KIAA0825: variants seen among roughly 807,000 people sequenced by gnomAD.
KIAA0825 encodes uncharacterized protein KIAA0825.
A neutral mutation model predicts 147.6 loss-of-function variants in KIAA0825; 119 were observed. The observed-to-expected ratio is 0.81, with a 90% CI of 0.69 to 0.94. The LOEUF (loss-of-function observed/expected upper bound fraction) is 0.94. Ranked by LOEUF, KIAA0825 falls within the 40% of genes least tolerant of loss-of-function variation. The pLI, the probability that KIAA0825 is intolerant of heterozygous loss-of-function variation, is 0.00. For synonymous variants in KIAA0825, 470 were observed against 518.1 expected, an observed-to-expected ratio of 0.91 and a Z score of 1.26; for missense variants, 1,381 against 1,472.7, an observed-to-expected ratio of 0.94 and a Z score of 1.02.
intron 2 of KIAA0825, among the ~76,000 whole-genome samples, chr5:94,550,447 A>G (rs57412880): frequency 2.6e-5 from 4 of 152,152 alleles, no homozygotes; most frequent in African/African-American, 9.7e-5. Flanking sequence ...ATCTTTCTCT[A>G]TGAAAGCTAC....
At chr5:94,427,370 CA>C (rs1258844201) in intron 14 of KIAA0825, among the ~76,000 whole-genome samples, 2 of 151,950 alleles carry the variant, frequency 1.3e-5, no homozygotes, top group African/African-American at 4.8e-5. Context: ...CCCATCTCTA[CA>C]AAAAATTTTC....
At chr5:94,337,310 T>C (rs1781912733) in intron 20 of KIAA0825, among the ~76,000 whole-genome samples, 1 of 152,202 alleles carries the variant, frequency 6.6e-6, no homozygotes, top group South Asian at 2.1e-4. Flanking sequence ...TGATTCTTGC[T>C]TGGAACTTGT....
At chr5:94,378,340 G>C (rs1047274978) in intron 20 of KIAA0825, among the ~76,000 whole-genome samples, 4 of 152,166 alleles carry the variant, frequency 2.6e-5, no homozygotes, top group African/African-American at 4.8e-5. Flanking sequence ...CCACTTACAT[G>C]TGAGAACAAG....
chr5:94,474,968 A>G (rs1761690212), intron 7 of KIAA0825, among the ~76,000 whole-genome samples: 1 of 152,106 alleles, frequency 6.6e-6, no homozygotes, highest in Non-Finnish European at 1.5e-5. Context: ...ACGTGCCTGT[A>G]GTCCCAGCTA....
chr5:94,282,099 C>G (rs185877891), intron 20 of KIAA0825, among the ~76,000 whole-genome samples: 1 of 152,162 alleles, frequency 6.6e-6, no homozygotes, highest in East Asian at 1.9e-4. Context: ...AGACTATAAA[C>G]CCATTGACAG....
intron 3 of KIAA0825, among the ~76,000 whole-genome samples, chr5:94,526,897 AAGGGAGTACACAGG>A (rs1769396226): frequency 1.3e-5 from 2 of 151,982 alleles, no homozygotes; most frequent in South Asian, 4.1e-4. Context: ...ACAATGTGCT[AAGGGAGTACACAGG>A]AGGGAGCCAC....
At chr5:94,586,889 T>G (rs1002738848) in intron 1 of KIAA0825, among the ~76,000 whole-genome samples, 1 of 152,194 alleles carries the variant, frequency 6.6e-6, no homozygotes, top group Non-Finnish European at 1.5e-5. Flanking sequence ...TGGTTCAACA[T>G]ATGCAAATCA....
intron 6 of KIAA0825, among the ~76,000 whole-genome samples, chr5:94,481,341 G>C (rs1347676898): frequency 6.6e-6 from 1 of 152,064 alleles, no homozygotes; most frequent in Admixed American, 6.6e-5. Flanking sequence ...ACTTCCCTGT[G>C]ACATCCACTT....
intron 5 of KIAA0825, among the ~76,000 whole-genome samples, chr5:94,487,776 AT>A (rs751443923): frequency 2.2e-4 from 33 of 152,292 alleles, no homozygotes; most frequent in Non-Finnish European, 3.7e-4. Context: ...TACAAAAAAA[AT>A]ACCAAAACAA....
At chr5:94,381,767 A>C (rs911372809) in intron 20 of KIAA0825, among the ~76,000 whole-genome samples, 2 of 152,192 alleles carry the variant, frequency 1.3e-5, no homozygotes, top group African/African-American at 4.8e-5. Context: ...CTAAAGTCAA[A>C]GTAAGTGCCT....
At chr5:94,164,782 G>A (rs1289336985) in intron 20 of KIAA0825, among the ~76,000 whole-genome samples, 1 of 152,024 alleles carries the variant, frequency 6.6e-6, no homozygotes, top group Non-Finnish European at 1.5e-5. Context: ...TCAATAAATG[G>A]TGCTGGGAAA....
intron 20 of KIAA0825, among the ~76,000 whole-genome samples, chr5:94,277,682 TGCAGAAG>T (rs1166003239): frequency 6.6e-6 from 1 of 152,086 alleles, no homozygotes; most frequent in East Asian, 1.9e-4. Context: ...GTTCAACCAT[TGCAGAAG>T]GTGGAAGACA....
intron 4 of KIAA0825, among the ~76,000 whole-genome samples, chr5:94,521,604 T>C (rs1768219582): frequency 6.6e-6 from 1 of 151,712 alleles, no homozygotes; most frequent in South Asian, 2.1e-4. Context: ...GAGAAAAAGA[T>C]ACCCTCAGAA....
intron 1 of KIAA0825, chr5:94,593,820 G>C: frequency 3.0e-6 from 1 of 335,846 alleles, no homozygotes; most frequent in South Asian, 2.7e-5. Flanking sequence ...TTATTGCTTA[G>C]TTATTTGAAA....
chr5:94,402,257 A>T (rs958847721), intron 16 of KIAA0825, among the ~76,000 whole-genome samples: 1 of 152,184 alleles, frequency 6.6e-6, no homozygotes, highest in African/African-American at 2.4e-5. Flanking sequence ...GTGCTTAGAA[A>T]AAGCAAAATT....
intron 9 of KIAA0825, among the ~76,000 whole-genome samples, chr5:94,471,238 G>T (rs557515854): frequency 7.3e-6 from 1 of 137,906 alleles, no homozygotes; most frequent in Non-Finnish European, 1.6e-5. Flanking sequence ...GTGGGTTTTT[G>T]AGTGTGCCTT....
At chr5:94,207,914 G>C (rs575858119) in intron 20 of KIAA0825, among the ~76,000 whole-genome samples, 1 of 152,202 alleles carries the variant, frequency 6.6e-6, no homozygotes, top group South Asian at 2.1e-4. Flanking sequence ...CTTAAGTTAG[G>C]CATAGTTGAA....
At chr5:94,311,735 C>T (rs917995445) in intron 20 of KIAA0825, among the ~76,000 whole-genome samples, 3 of 151,674 alleles carry the variant, frequency 2.0e-5, no homozygotes, top group African/African-American at 4.8e-5. Flanking sequence ...GCTCTCCTTA[C>T]GAGCCAATCC....
intron 7 of KIAA0825, among the ~76,000 whole-genome samples, chr5:94,474,395 T>C (rs371058101): frequency 1.8e-4 from 28 of 152,322 alleles, no homozygotes; most frequent in African/African-American, 5.8e-4. Context: ...TTGTTTACAG[T>C]AACGTGCCAC....
Sources: allele counts gnomAD v4.1 joint callset (sites outside exome capture counted in the v4.1 genomes callset), GRCh38; gene constraint gnomAD v4.1.1; transcripts MANE v1.5; gene names NCBI Gene and HGNC (gene_info 2026-07-23, HGNC 2026-07-21).